The following RNF19A variants were observed in gnomAD, a reference collection of about 807,000 sequenced individuals.
The protein encoded by RNF19A is E3 ubiquitin-protein ligase RNF19A.
RNF19A carries 32 observed loss-of-function variants against 75.7 expected under a neutral mutation model. The ratio of observed to expected loss-of-function variants is 0.42; its 90% CI spans 0.32 to 0.57. The LOEUF (loss-of-function observed/expected upper bound fraction) is 0.57, where lower values mean the gene tolerates loss of function less well. RNF19A is among the 20% of genes least tolerant of loss of function. The pLI is 0.10. For synonymous variants in RNF19A, 335 were observed against 345.2 expected (o/e 0.97, Z 0.33); for missense variants, 782 against 1,036.3 (o/e 0.75, Z 3.37).
In RNF19A at chr8:100,258,816, G is replaced by A. The variant is rs768295902; in HGVS notation, c.2257C>T (p.Arg753Cys). The A allele has an allele frequency of 1.2e-5, 20 of 1,614,010 alleles. No homozygotes were observed. The highest frequency in any genetic ancestry group is 4.0e-5 in the African/African-American group (3 of 74,904). ...CSHGSSDYHT[R>C]FATVNILPEV... The stretch of plus-strand genomic sequence containing the variant: ...GGAAGAATGTTAACAGTAGCAAAGC[G>A]GGTGTGATAATCACTGGAACCATGA... Residue 753 changes from arginine (R) to cysteine (C), a missense_variant, in exon 10 of 10, where the codon CGC (arginine) becomes TGC (cysteine). Arg to Cys is a radical substitution (Grantham distance 180). Transcript: ENST00000341084. This position sits in a 1 kb window ranked among gnomAD's most constrained non-coding sequence, Gnocchi z 4.3.
chr8:100,266,706 T>C (rs1208961348), intron 5 of RNF19A, among the ~76,000 whole-genome samples: 1 of 152,030 alleles, frequency 6.6e-6, no homozygotes, highest in South Asian at 2.1e-4. Flanking sequence ...AGACAAGGTG[T>C]CACACTGTGT....
At chr8:100,307,825 TC>T (rs1301953141) in intron 1 of RNF19A, among the ~76,000 whole-genome samples, 6 of 152,210 alleles carry the variant, frequency 3.9e-5, no homozygotes, top group Non-Finnish European at 2.9e-5. Context: ...TTTTATTTAT[TC>T]ATCCATTTTC....
rs1018147224 is a variant in RNF19A at position 100,262,323 on chromosome 8, G to A, written c.1469-568C>T. Among the ~76,000 whole-genome samples the A allele has an allele frequency of 3.3e-5, 5 of 152,156 alleles. No homozygotes were observed. The East Asian group carries it at 9.6e-4, about 29-fold the overall frequency. ...GGAGAGTGATGAAAAGTGCATGTAC[G>A]TACATGTCTGTGAGCCATTTTATAT... On this transcript the variant is annotated intron_variant, in intron 7 of 9. Coordinates refer to ENST00000341084, the MANE Select transcript of RNF19A (RefSeq NM_183419.4).
chr8:100,294,179 T>A (rs1821438095), intron 1 of RNF19A, among the ~76,000 whole-genome samples: 1 of 152,230 alleles, frequency 6.6e-6, no homozygotes. Flanking sequence ...ATTGTGGATA[T>A]CTTATAGAGG....
chr8:100,304,384 G>T (rs1235479964), intron 1 of RNF19A, among the ~76,000 whole-genome samples: 1 of 152,118 alleles, frequency 6.6e-6, no homozygotes, highest in Non-Finnish European at 1.5e-5. Flanking sequence ...TTGGATAAAA[G>T]AATTACAGTC....
At chr8:100,298,004 T>C (rs929414761) in intron 1 of RNF19A, among the ~76,000 whole-genome samples, 1 of 152,212 alleles carries the variant, frequency 6.6e-6, no homozygotes, top group Admixed American at 6.5e-5. Flanking sequence ...TGGGTTAAAT[T>C]ACTAAGACTC....
intron 3 of RNF19A, among the ~76,000 whole-genome samples, chr8:100,273,976 G>T (rs1820382284): frequency 1.3e-5 from 2 of 151,970 alleles, no homozygotes; most frequent in Non-Finnish European, 2.9e-5. Flanking sequence ...GTGGAGACAG[G>T]GTTTCACCAT....
rs1203762664 is a variant in RNF19A at position 100,323,386 on chromosome 8, G to A, written c.-242-10014C>T. 3.3e-5 allele frequency among the ~76,000 whole-genome samples: 5 copies of A among 152,208 alleles called. No individual in the cohort carries two copies. The highest frequency in any genetic ancestry group is 1.3e-4 in the Admixed American group (2 of 15,286). ...TTGGCAGAATCTCAGCACTGAAACA[G>A]TAAGAAGAAAACAGTAGAGAAAGGC... On this transcript the variant is annotated intron_variant, in intron 1 of 3. Coordinates refer to the RNF19A transcript ENST00000519527. This position sits in a 1 kb window ranked among gnomAD's most constrained non-coding sequence, Gnocchi z 4.6.
rs1028166893 is a variant in RNF19A at position 100,269,780 on chromosome 8, A to G, written c.1028+89T>C. ...TAGAATAAAACCAATCCCTTTAAGT[A>G]TCTTATAAAACCCAAATTTAAGACA... On this transcript the variant is annotated intron_variant, in intron 4 of 9. Transcript: ENST00000341084. The surrounding 1 kb of genome is among the most constrained non-coding windows in gnomAD (Gnocchi z 5.7). 2 of 939,934 alleles carry G rather than the reference A, an allele frequency of 2.1e-6. No individual in the cohort carries two copies. Among genetic ancestry groups the G allele is most frequent in the Admixed American group, 3.5e-5 (1 of 28,374 alleles). The allele number at this position is 939,934 out of a possible 1,614,324, so 58.2% of individuals were successfully genotyped here. A position where few individuals can be genotyped will look rare whatever the true frequency, so the allele number is the denominator to read the frequency against.
intron 1 of RNF19A, among the ~76,000 whole-genome samples, chr8:100,326,874 T>C (rs753631002): frequency 6.6e-6 from 1 of 152,250 alleles, no homozygotes; most frequent in East Asian, 1.9e-4. Context: ...TAACTCAGAA[T>C]TGGCAAGGTT....
chr8:100,258,613 ATT>A lies in RNF19A; in HGVS notation c.2458_2459del (p.Asn820Ter). On this transcript the variant is annotated frameshift_variant, in exon 10 of 10. Coordinates refer to ENST00000341084, the MANE Select transcript of RNF19A (RefSeq NM_183419.4). LOFTEE classifies it high-confidence loss of function. This position sits in a 1 kb window ranked among gnomAD's most constrained non-coding sequence, Gnocchi z 4.3. ...LYFGDALKET[N>X]NNHSHQTMEL... Reference sequence around the variant, plus strand: ...CCATTGTCTGATGTGAGTGGTTGTTATTTGTTTCTTTTAGTGCATCGCCAAAA... The same window carrying A: ...CCATTGTCTGATGTGAGTGGTTGTTATGTTTCTTTTAGTGCATCGCCAAAA... 1 of 1,613,916 alleles carries A rather than the reference ATT, an allele frequency of 6.2e-7. No homozygotes were observed. The highest frequency in any genetic ancestry group is 8.5e-7 in the Non-Finnish European group (1 of 1,179,948).
chr8:100,302,779 T>C (rs1821893742), intron 1 of RNF19A, among the ~76,000 whole-genome samples: 1 of 152,160 alleles, frequency 6.6e-6, no homozygotes, highest in African/African-American at 2.4e-5. Context: ...AGACAAAACC[T>C]GTTGGTCTAT....
Position 100,261,074 on chromosome 8 carries a change from T to C in RNF19A, c.1682+468A>G, listed in dbSNP as rs1819688999. Among the ~76,000 whole-genome samples the C allele has an allele frequency of 1.3e-5, 2 of 152,124 alleles. No homozygotes were observed. The highest frequency in any genetic ancestry group is 4.8e-5 in the African/African-American group (2 of 41,422). On this transcript the variant is annotated intron_variant, in intron 8 of 9. Transcript: ENST00000341084. This position sits in a 1 kb window ranked among gnomAD's most constrained non-coding sequence, Gnocchi z 4.4. ...AAAAAATTGGCAGAATGTTATTCCTTAGACTTAGAAATCTACCACCAAATT... is the reference window on the plus strand; with the variant it reads ...AAAAAATTGGCAGAATGTTATTCCTCAGACTTAGAAATCTACCACCAAATT...
At position 100,258,592 on chromosome 8, in the gene RNF19A, T is replaced by G. The variant is rs748256249; in HGVS notation, c.2481A>C (p.Thr827=). ...KETNNNHSHQ[T]MELKVAIQTE... ...TCTGAATTGCAACTTTTAATTCCAT[T>G]GTCTGATGTGAGTGGTTGTTATTTG... Residue 827 remains threonine (T), a synonymous_variant, in exon 10 of 10, where the codon ACA becomes ACC. Transcript: ENST00000341084. This position sits in a 1 kb window ranked among gnomAD's most constrained non-coding sequence, Gnocchi z 4.3. 1 of 1,612,750 alleles carries G rather than the reference T, an allele frequency of 6.2e-7. No homozygotes were observed. Among genetic ancestry groups the G allele is most frequent in the Non-Finnish European group, 8.5e-7 (1 of 1,179,498 alleles).
In RNF19A at chr8:100,275,357, A is replaced by G. The variant is rs944263806; in HGVS notation, c.675-196T>C. On this transcript the variant is annotated intron_variant, in intron 2 of 9. Transcript: ENST00000341084. This position sits in a 1 kb window ranked among gnomAD's most constrained non-coding sequence, Gnocchi z 4.3. Reference sequence around the variant, plus strand: ...AATGAAGATATATAAATGGTGTAAAATATTTTAAAAGTTCAATTTTTAACT... The same window carrying G: ...AATGAAGATATATAAATGGTGTAAAGTATTTTAAAAGTTCAATTTTTAACT... Among the ~76,000 whole-genome samples the G allele has an allele frequency of 1.3e-5, 2 of 152,066 alleles. No individual in the cohort carries two copies. Among genetic ancestry groups the G allele is most frequent in the African/African-American group, 4.8e-5 (2 of 41,404 alleles).
intron 1 of RNF19A, among the ~76,000 whole-genome samples, chr8:100,292,430 ATATGGG>A (rs1821340974): frequency 8.2e-6 from 1 of 121,672 alleles, no homozygotes; most frequent in South Asian, 2.7e-4. Context: ...GCTTGCTATC[ATATGGG>A]TGTGTGTGTG....
Position 100,260,752 on chromosome 8 carries a change from G to C in RNF19A, c.1683-755C>G, listed in dbSNP as rs1046392498. 1.3e-5 allele frequency among the ~76,000 whole-genome samples: 2 copies of C among 152,142 alleles called. No homozygotes were observed. The highest frequency in any genetic ancestry group is 4.8e-5 in the African/African-American group (2 of 41,436). ...AAAATAGTGAATTAAAGAGAAACAG[G>C]GGAAGATAATTTTTCCTACTTATCT... On this transcript the variant is annotated intron_variant, in intron 8 of 9. Transcript: ENST00000341084. This position sits in a 1 kb window ranked among gnomAD's most constrained non-coding sequence, Gnocchi z 4.1.
upstream of RNF19A, chr8:100,313,386 A>G (rs1822329057): frequency 2.3e-6 from 2 of 887,250 alleles, no homozygotes; most frequent in Non-Finnish European, 2.7e-6. Context: ...TAAGACAAGA[A>G]GAAGGCAAAC....
chr8:100,313,723 G>C (rs1335298233), upstream of RNF19A, among the ~76,000 whole-genome samples: 1 of 152,070 alleles, frequency 6.6e-6, no homozygotes, highest in Non-Finnish European at 1.5e-5. Flanking sequence ...GTGGAAGTAG[G>C]GAGACCAGTT....
Sources: gnomAD v4.1 joint callset for allele counts (sites outside exome capture counted in the v4.1 genomes callset) on GRCh38, gnomAD v4.1.1 for gene constraint, Gnocchi (gnomAD v3.1) non-coding constraint, MANE v1.5 for transcripts, NCBI Gene and HGNC (gene_info 2026-07-23, HGNC 2026-07-21) for gene names.